The following EPHB1 variants were observed in gnomAD, a reference collection of about 807,000 sequenced individuals.
EPHB1 encodes ephrin type-B receptor 1.
In EPHB1, 30 loss-of-function variants were observed where a neutral mutation model predicts 94.4. The ratio of observed to expected loss-of-function variants is 0.32; its 90% CI spans 0.24 to 0.43. The LOEUF is 0.43. Among genes scored for constraint, EPHB1 ranks in the 20% least tolerant of loss-of-function variants. EPHB1 has a pLI of 1.00. For synonymous variants in EPHB1, 522 were observed against 489.1 expected (o/e 1.07, Z -0.89); for missense variants, 1,055 against 1,308.3 (o/e 0.81, Z 2.99).
chr3:134,810,076 T>C (rs1317304162), intron 1 of EPHB1, among the ~76,000 whole-genome samples: 1 of 152,220 alleles, frequency 6.6e-6, no homozygotes, highest in Admixed American at 6.5e-5. Flanking sequence ...TATTGTGAGC[T>C]TTCAACATAA....
intron 3 of EPHB1, among the ~76,000 whole-genome samples, chr3:135,053,179 A>G (rs1459443650): frequency 5.5e-4 from 2 of 3,668 alleles, no homozygotes; most frequent in Non-Finnish European, 1.1e-3. Flanking sequence ...TTTAGATAAG[A>G]TTAACATTTA....
chr3:134,826,356 A>G (rs920402091), intron 1 of EPHB1, among the ~76,000 whole-genome samples: 1 of 151,958 alleles, frequency 6.6e-6, no homozygotes, highest in Non-Finnish European at 1.5e-5. Context: ...TCTAGCCTAC[A>G]CCAGTCCAGA....
chr3:135,191,067 C>T (rs1304700796), intron 10 of EPHB1, among the ~76,000 whole-genome samples: 2 of 150,330 alleles, frequency 1.3e-5, no homozygotes, highest in South Asian at 2.1e-4. Context: ...ATAGTGAGAC[C>T]CTGTCTCAAA....
chr3:134,908,635 G>A (rs1475074314), intron 1 of EPHB1, among the ~76,000 whole-genome samples: 1 of 152,140 alleles, frequency 6.6e-6, no homozygotes, highest in Non-Finnish European at 1.5e-5. Context: ...TGCAAACACT[G>A]TTCATCCCAG....
chr3:134,968,939 A>T (rs558507865), intron 3 of EPHB1, among the ~76,000 whole-genome samples: 33 of 152,220 alleles, frequency 2.2e-4, no homozygotes, highest in Non-Finnish European at 4.7e-4. Flanking sequence ...ATGTACCATA[A>T]TTTGTGTATC....
chr3:134,818,742 A>G (rs942038062), intron 1 of EPHB1, among the ~76,000 whole-genome samples: 4 of 152,216 alleles, frequency 2.6e-5, no homozygotes, highest in African/African-American at 9.6e-5. Flanking sequence ...CCTATATACT[A>G]TATATCTATC....
chr3:134,992,247 C>G (rs924589023), intron 3 of EPHB1, among the ~76,000 whole-genome samples: 1 of 152,152 alleles, frequency 6.6e-6, no homozygotes, highest in Non-Finnish European at 1.5e-5. Context: ...AGCAGGCGGG[C>G]TGCTCTTGGA....
rs528916047 is a variant in EPHB1 at position 135,145,651 on chromosome 3, C to T, written c.1298-8501C>T. ...AACTGCCAATATTAGGGTAACGTTA[C>T]AGCTGAACAATCCCAGTGAGATGGG... On this transcript the variant is annotated intron_variant, in intron 5 of 15. Transcript: ENST00000398015. Among the ~76,000 whole-genome samples the T allele has an allele frequency of 1.7e-4, 26 of 152,310 alleles. No individual in the cohort carries two copies. The South Asian group carries it at 5.2e-3, about 30-fold the overall frequency.
At chr3:135,188,529 A>G (rs1301158694) in intron 10 of EPHB1, among the ~76,000 whole-genome samples, 2 of 152,152 alleles carry the variant, frequency 1.3e-5, no homozygotes, top group Non-Finnish European at 2.9e-5. Context: ...ATAACCACCC[A>G]CAAGTGTTTC....
intron 10 of EPHB1, among the ~76,000 whole-genome samples, chr3:135,183,289 T>TTCCG (rs1942239456): frequency 7.1e-6 from 1 of 140,430 alleles, no homozygotes; most frequent in Admixed American, 7.2e-5. Flanking sequence ...CCTTCCTTCC[T>TTCCG]TCCTGGAGAG....
rs2107699670 is a variant in EPHB1, at chr3:135,166,010, C to T, written c.1628C>T (p.Ala543Val). 6.2e-7 allele frequency: 1 copy of T among 1,614,002 alleles called. No individual in the cohort carries two copies. The highest frequency in any genetic ancestry group is 8.5e-7 in the Non-Finnish European group (1 of 1,179,870). Residue 543 changes from alanine (A) to valine (V), a missense_variant, in exon 8 of 16, where the codon GCT (alanine) becomes GTT (valine). Coordinates refer to ENST00000398015, the MANE Select transcript of EPHB1 (RefSeq NM_004441.5). ...SELREQLPLI[A>V]GSAAAGVVFV... The stretch of plus-strand genomic sequence containing the variant: ...CTGAGGGAGCAGCTGCCCCTGATTG[C>T]TGGCTCGGCAGCGGCCGGGGTCGTG...
At chr3:134,813,197 G>A (rs2036208877) in intron 1 of EPHB1, among the ~76,000 whole-genome samples, 1 of 152,210 alleles carries the variant, frequency 6.6e-6, no homozygotes, top group Non-Finnish European at 1.5e-5. Context: ...TTTGTTAGGG[G>A]AGTGTGTGCG....
chr3:134,874,161 G>T (rs1393166719), intron 1 of EPHB1, among the ~76,000 whole-genome samples: 5 of 152,122 alleles, frequency 3.3e-5, no homozygotes, highest in African/African-American at 1.2e-4. Context: ...CAAAATTTGG[G>T]TTTTTTGTGG....
intron 1 of EPHB1, among the ~76,000 whole-genome samples, chr3:134,828,277 G>A (rs1438758242): frequency 2.0e-5 from 3 of 152,176 alleles, no homozygotes; most frequent in African/African-American, 7.2e-5. Context: ...CACTGTGTGA[G>A]TAGGAACAAA....
At chr3:134,905,036 A>G (rs2038289351) in intron 1 of EPHB1, among the ~76,000 whole-genome samples, 1 of 152,230 alleles carries the variant, frequency 6.6e-6, no homozygotes, top group Admixed American at 6.5e-5. Context: ...GTAATGGGGC[A>G]TGATTCCACA....
At chr3:134,992,657 T>A (rs988419167) in intron 3 of EPHB1, among the ~76,000 whole-genome samples, 1 of 152,112 alleles carries the variant, frequency 6.6e-6, no homozygotes, top group Admixed American at 6.5e-5. Flanking sequence ...AGCCTTCAAG[T>A]GCCTGCCTAA....
chr3:135,006,565 T>C (rs479815), intron 3 of EPHB1, among the ~76,000 whole-genome samples: 99,191 of 152,212 alleles, frequency 0.65, 34,820 homozygotes, highest in African/African-American at 0.9. Context: ...CAAAGTAGCA[T>C]ATACCTGTAA....
intron 3 of EPHB1, among the ~76,000 whole-genome samples, chr3:134,974,913 C>G (rs1181052928): frequency 6.6e-6 from 1 of 152,200 alleles, no homozygotes; most frequent in Non-Finnish European, 1.5e-5. Flanking sequence ...TTGCACCTCC[C>G]TGCCCTTCTT....
At chr3:134,931,721 A>G (rs1316713725) in intron 2 of EPHB1, among the ~76,000 whole-genome samples, 9 of 152,220 alleles carry the variant, frequency 5.9e-5, no homozygotes, top group East Asian at 5.8e-4. Context: ...GTATGTGTGC[A>G]TATATGTCTC....
Sources: allele counts gnomAD v4.1 joint callset (sites outside exome capture counted in the v4.1 genomes callset), GRCh38; gene constraint gnomAD v4.1.1; transcripts MANE v1.5; gene names NCBI Gene and HGNC (gene_info 2026-07-23, HGNC 2026-07-21).